Variants in SYT16 observed in about 807,000 individuals in gnomAD.
The protein encoded by SYT16 is synaptotagmin-16.
In SYT16, 42 loss-of-function variants were observed where a neutral mutation model predicts 61.4. That is an observed-to-expected ratio of 0.68 (90% CI 0.53 to 0.89). The LOEUF is 0.89. Ranked by LOEUF, SYT16 falls within the 40% of genes least tolerant of loss-of-function variation. The probability of loss-of-function intolerance (pLI) is 0.00; values close to 1 mark genes in which losing one functional copy is unlikely to be tolerated. For missense variants in SYT16, 804 were observed against 807.3 expected (o/e 1.00, Z 0.05); for synonymous variants, 314 against 302.3 (o/e 1.04, Z -0.40).
rs1042031910 is a variant in SYT16 at position 62,049,620 on chromosome 14, G to C, written c.524-19983G>C. On this transcript the variant is annotated intron_variant, in intron 3 of 7. Coordinates refer to ENST00000683842, the MANE Select transcript of SYT16 (RefSeq NM_001367656.1). Reference sequence around the variant, plus strand: ...GTTTTTGCAGCGGCTGGTACCACTTGTTCCTTTCCATGTTTAGTGCTTCCT... The same window carrying C: ...GTTTTTGCAGCGGCTGGTACCACTTCTTCCTTTCCATGTTTAGTGCTTCCT... Among the ~76,000 whole-genome samples, 4 of 152,288 alleles carry C rather than the reference G, an allele frequency of 2.6e-5. No homozygotes were observed. In the East Asian group the frequency reaches 7.7e-4, roughly 29 times the overall value.
chr14:61,905,006 T>C (rs1056255479), intron 1 of SYT16, among the ~76,000 whole-genome samples: 2 of 151,762 alleles, frequency 1.3e-5, no homozygotes, highest in Non-Finnish European at 2.9e-5. Flanking sequence ...GCCATCTAAT[T>C]GCTTCTGTTA....
intron 7 of SYT16, among the ~76,000 whole-genome samples, chr14:62,085,493 G>T (rs1415963366): frequency 1.3e-5 from 2 of 152,168 alleles, no homozygotes; most frequent in African/African-American, 2.4e-5. Context: ...TATATTTGTG[G>T]CAGGCTGAAA....
intron 1 of SYT16, among the ~76,000 whole-genome samples, chr14:61,838,740 T>C (rs376261960): frequency 1.3e-5 from 2 of 152,214 alleles, no homozygotes; most frequent in South Asian, 4.2e-4. Context: ...TGCTAAGGAC[T>C]CAAAAACTCC....
At chr14:61,929,556 T>C (rs994970210) in intron 1 of SYT16, among the ~76,000 whole-genome samples, 3 of 152,196 alleles carry the variant, frequency 2.0e-5, no homozygotes, top group Non-Finnish European at 4.4e-5. Context: ...AAAACCAAAA[T>C]TGATAAAACT....
chr14:61,908,164 G>A (rs996317599), intron 1 of SYT16, among the ~76,000 whole-genome samples: 5 of 152,220 alleles, frequency 3.3e-5, no homozygotes, highest in Non-Finnish European at 7.3e-5. Flanking sequence ...TTTTCCACCA[G>A]CGTGTGAACT....
In SYT16 at chr14:62,109,337, T is replaced by G. The variant is rs2057565537; in HGVS notation, c.*8630T>G. Reference sequence around the variant, plus strand: ...AGTCATGTAAGTTTTCATGTCTTTTTATGGCTTGATAGTTCATTTATTTTA... The same window carrying G: ...AGTCATGTAAGTTTTCATGTCTTTTGATGGCTTGATAGTTCATTTATTTTA... On this transcript the variant is annotated 3_prime_UTR_variant, in exon 8 of 8. Coordinates refer to ENST00000683842, the MANE Select transcript of SYT16 (RefSeq NM_001367656.1). The G allele has an allele frequency of 6.6e-6, 1 of 152,124 alleles. No individual in the cohort carries two copies. The highest frequency in any genetic ancestry group is 2.4e-5 in the African/African-American group (1 of 41,434). The allele number at this position is 152,124 out of a possible 1,614,324, so 9.4% of individuals were successfully genotyped here.
At chr14:62,099,774 A>C (rs2057370624) in intron 7 of SYT16, among the ~76,000 whole-genome samples, 1 of 152,096 alleles carries the variant, frequency 6.6e-6, no homozygotes, top group Non-Finnish European at 1.5e-5. Context: ...GCTACTCAGG[A>C]GGCTGATGGG....
intron 3 of SYT16, among the ~76,000 whole-genome samples, chr14:62,056,786 C>G (rs1413267579): frequency 2.0e-5 from 3 of 152,206 alleles, no homozygotes; most frequent in Non-Finnish European, 4.4e-5. Flanking sequence ...TGTTCTCTTG[C>G]AAGCAGTTGC....
intron 3 of SYT16, among the ~76,000 whole-genome samples, chr14:62,017,896 T>C (rs1196756590): frequency 1.3e-5 from 2 of 152,114 alleles, no homozygotes. Flanking sequence ...TTCATTTGTT[T>C]GTAGAGACAG....
intron 1 of SYT16, among the ~76,000 whole-genome samples, chr14:61,960,152 G>T (rs2051058291): frequency 6.6e-6 from 1 of 152,028 alleles, no homozygotes; most frequent in African/African-American, 2.4e-5. Context: ...AACAGTTTTG[G>T]TTTTTTGCTT....
At chr14:61,866,411 T>G (rs974805383) in intron 1 of SYT16, among the ~76,000 whole-genome samples, 2 of 152,186 alleles carry the variant, frequency 1.3e-5, no homozygotes, top group African/African-American at 4.8e-5. Flanking sequence ...TCCAGTTGCT[T>G]TACATCTTCT....
At chr14:62,015,737 G>C (rs917568900) in intron 3 of SYT16, among the ~76,000 whole-genome samples, 2 of 152,206 alleles carry the variant, frequency 1.3e-5, no homozygotes, top group African/African-American at 4.8e-5. Context: ...CTCTGTCTCA[G>C]AAGTTGGCCT....
At chr14:62,090,429 G>C (rs2140998863) in intron 7 of SYT16, among the ~76,000 whole-genome samples, 1 of 152,292 alleles carries the variant, frequency 6.6e-6, no homozygotes, top group Non-Finnish European at 1.5e-5. Flanking sequence ...TTTGTGTGAA[G>C]AACAAGTGGG....
intron 3 of SYT16, among the ~76,000 whole-genome samples, chr14:62,025,956 T>G (rs572158272): frequency 2.4e-4 from 36 of 152,344 alleles, no homozygotes; most frequent in Non-Finnish European, 4.4e-4. Context: ...TTGCTAATAT[T>G]AAACTATTCT....
intron 1 of SYT16, among the ~76,000 whole-genome samples, chr14:61,908,433 A>AT (rs2048805366): frequency 6.6e-6 from 1 of 152,134 alleles, no homozygotes; most frequent in African/African-American, 2.4e-5. Flanking sequence ...CATTTCAGGT[A>AT]TTTTTTTAGG....
chr14:61,838,202 A>G (rs927702288), intron 1 of SYT16, among the ~76,000 whole-genome samples: 2 of 152,142 alleles, frequency 1.3e-5, no homozygotes, highest in African/African-American at 4.8e-5. Flanking sequence ...TCTATATTGA[A>G]TTAACTACCT....
chr14:62,061,861 A>G (rs1232592991), intron 3 of SYT16, among the ~76,000 whole-genome samples: 1 of 152,126 alleles, frequency 6.6e-6, no homozygotes, highest in African/African-American at 2.4e-5. Context: ...GTATATATAT[A>G]ATCTGTGTTC....
intron 1 of SYT16, among the ~76,000 whole-genome samples, chr14:61,943,459 T>A (rs2050289620): frequency 6.6e-6 from 1 of 152,212 alleles, no homozygotes; most frequent in Non-Finnish European, 1.5e-5. Context: ...ATATCCCTCA[T>A]GAACATTGAT....
At chr14:62,070,281 C>T (rs545534701) in intron 4 of SYT16, among the ~76,000 whole-genome samples, 11 of 152,232 alleles carry the variant, frequency 7.2e-5, no homozygotes, top group Non-Finnish European at 1.5e-4. Context: ...GTTTGCATTA[C>T]GAAATCAATG....
Sources: allele counts gnomAD v4.1 joint callset (sites outside exome capture counted in the v4.1 genomes callset), GRCh38; gene constraint gnomAD v4.1.1; transcripts MANE v1.5; gene names NCBI Gene and HGNC (gene_info 2026-07-23, HGNC 2026-07-21).